PIP4K2B: variants seen among roughly 807,000 people sequenced by gnomAD.
PIP4K2B encodes the protein phosphatidylinositol-5-phosphate 4-kinase type 2 beta, also known as phosphatidylinositol 5-phosphate 4-kinase type-2 beta.
In PIP4K2B, 3 loss-of-function variants were observed where a neutral mutation model predicts 42.0. The observed-to-expected ratio is 0.07, with a 90% CI of 0.03 to 0.18. The LOEUF is 0.18. Ranked by LOEUF, PIP4K2B falls within the 10% of genes least tolerant of loss-of-function variation. PIP4K2B has a pLI of 1.00. For missense variants in PIP4K2B, 332 were observed against 562.3 expected, an observed-to-expected ratio of 0.59 and a Z score of 4.14; for synonymous variants, 204 against 210.1, an observed-to-expected ratio of 0.97 and a Z score of 0.25.
intron 7 of PIP4K2B, among the ~76,000 whole-genome samples, chr17:38,772,045 A>G (rs1909077630): frequency 6.6e-6 from 1 of 152,168 alleles, no homozygotes; most frequent in South Asian, 2.1e-4. Flanking sequence ...TTAAAAAAAG[A>G]GGCCATGGCC....
In PIP4K2B at chr17:38,770,539, C is replaced by T. The variant is rs765317692; in HGVS notation, c.1067G>A (p.Ser356Asn). 4.5e-6 allele frequency: 7 copies of T among 1,552,592 alleles called. No homozygotes were observed. The highest frequency in any genetic ancestry group is 6.2e-6 in the Non-Finnish European group (7 of 1,125,406). The change falls in exon 9 of 10, where the codon AGT becomes AAT. Residue 356 changes from serine (S) to asparagine (N), a missense_variant and splice_region_variant. Ser to Asn is a conservative substitution (Grantham distance 46, BLOSUM62 1). Transcript: ENST00000619039. ...GAAATACACCTCCTTCTTGGGGGAA[C>T]CTGGAGGGACAAGGAGAGCAGGGAA... Reference protein sequence around the residue: ...VDVYAMKSHESSPKKEVYFMA... With the variant: ...VDVYAMKSHENSPKKEVYFMA...
intron 4 of PIP4K2B, 61 bp from the exon 5 acceptor site, chr17:38,779,590 G>GTGAGC: frequency 6.7e-7 from 1 of 1,499,738 alleles, no homozygotes; most frequent in Non-Finnish European, 9.3e-7. Context: ...GATGGATGGG[G>GTGAGC]CTCACCCCAG....
chr17:38,786,197 G>C (rs922426213), intron 2 of PIP4K2B, among the ~76,000 whole-genome samples: 1 of 152,134 alleles, frequency 6.6e-6, no homozygotes, highest in Non-Finnish European at 1.5e-5. Flanking sequence ...AATAGTCCTG[G>C]GGTGGTCCAC....
intron 7 of PIP4K2B, chr17:38,776,771 G>A: frequency 1.8e-5 from 6 of 332,382 alleles, no homozygotes; most frequent in South Asian, 1.5e-4. Flanking sequence ...AAAAGAGAAG[G>A]AGACGCTGAG....
chr17:38,797,444 GAA>G (rs1035554203), intron 1 of PIP4K2B, among the ~76,000 whole-genome samples: 1 of 152,152 alleles, frequency 6.6e-6, no homozygotes, highest in Non-Finnish European at 1.5e-5. Flanking sequence ...GAGAGGAAAA[GAA>G]ACAGGAGGCA....
chr17:38,773,979 G>A (rs1909179794), intron 7 of PIP4K2B, among the ~76,000 whole-genome samples: 1 of 152,178 alleles, frequency 6.6e-6, no homozygotes, highest in Non-Finnish European at 1.5e-5. Flanking sequence ...CAAAGACTCA[G>A]GACAAATAAT....
At chr17:38,777,857 C>T in intron 6 of PIP4K2B, 57 bp from the exon 7 acceptor site, 1 of 1,236,780 alleles carries the variant, frequency 8.1e-7, no homozygotes, top group Non-Finnish European at 1.2e-6. Context: ...CCCAGGGACA[C>T]CCAACTGTTC....
chr17:38,795,519 G>A (rs1046755314), intron 1 of PIP4K2B, among the ~76,000 whole-genome samples: 13 of 152,220 alleles, frequency 8.5e-5, no homozygotes, highest in Non-Finnish European at 1.9e-4. Context: ...GGGAAGCCAA[G>A]GCAGGTGGAT....
chr17:38,783,354 A>G (rs1425494558), intron 3 of PIP4K2B, among the ~76,000 whole-genome samples: 1 of 152,164 alleles, frequency 6.6e-6, no homozygotes, highest in East Asian at 1.9e-4. Context: ...ACTGAGTCAG[A>G]TTCTAATGTC....
At chr17:38,788,774 A>AT (rs1910180144) in intron 1 of PIP4K2B, among the ~76,000 whole-genome samples, 1 of 152,094 alleles carries the variant, frequency 6.6e-6, no homozygotes, top group Non-Finnish European at 1.5e-5. Flanking sequence ...AATATGGTGA[A>AT]ACCCTATCTC....
chr17:38,781,893 G>C (rs901956352), intron 3 of PIP4K2B, among the ~76,000 whole-genome samples: 59 of 151,796 alleles, frequency 3.9e-4, no homozygotes, highest in Admixed American at 4.6e-4. Flanking sequence ...GCTCACTGCA[G>C]CCTTGAACTC....
At chr17:38,774,714 G>A (rs1457396682) in intron 7 of PIP4K2B, among the ~76,000 whole-genome samples, 1 of 151,714 alleles carries the variant, frequency 6.6e-6, no homozygotes, top group Non-Finnish European at 1.5e-5. Context: ...AGCTTGCAGT[G>A]AGCCAAGATC....
intron 3 of PIP4K2B, 21 bp from the exon 4 acceptor site, chr17:38,780,625 A>G: frequency 6.2e-7 from 1 of 1,601,432 alleles, no homozygotes; most frequent in Non-Finnish European, 8.6e-7. Flanking sequence ...AGACAAAAGA[A>G]GGCTGGGCTT....
At chr17:38,777,159 G>A (rs1283068248) in intron 7 of PIP4K2B, among the ~76,000 whole-genome samples, 1 of 152,172 alleles carries the variant, frequency 6.6e-6, no homozygotes, top group Non-Finnish European at 1.5e-5. Context: ...CATCTCCCGG[G>A]CTCAAACAAT....
chr17:38,797,397 G>C (rs1910709774), intron 1 of PIP4K2B, among the ~76,000 whole-genome samples: 1 of 152,102 alleles, frequency 6.6e-6, no homozygotes, highest in African/African-American at 2.4e-5. Context: ...TCTCTAACCG[G>C]ACTATACTTC....
chr17:38,784,012 C>T (rs1188820110), intron 3 of PIP4K2B, among the ~76,000 whole-genome samples: 1 of 152,210 alleles, frequency 6.6e-6, no homozygotes, highest in Non-Finnish European at 1.5e-5. Flanking sequence ...TGCTGCCCTC[C>T]CTCTGAGGGA....
intron 8 of PIP4K2B, among the ~76,000 whole-genome samples, 193 bp from the exon 9 acceptor site, chr17:38,770,732 G>T (rs1033071364): frequency 6.6e-6 from 1 of 152,062 alleles, no homozygotes; most frequent in Non-Finnish European, 1.5e-5. Context: ...GTCACTCTGT[G>T]GGGCTGACAG....
chr17:38,787,450 C>G (rs1910093147), intron 1 of PIP4K2B, among the ~76,000 whole-genome samples: 1 of 152,182 alleles, frequency 6.6e-6, no homozygotes, highest in East Asian at 1.9e-4. Flanking sequence ...TTCTCTAGAC[C>G]ATCAATACCC....
intron 1 of PIP4K2B, among the ~76,000 whole-genome samples, chr17:38,797,150 C>T (rs759180673): frequency 6.6e-6 from 1 of 152,136 alleles, no homozygotes; most frequent in Non-Finnish European, 1.5e-5. Context: ...AATGCCTTTC[C>T]AACTAGCCCC....
Sources: gnomAD v4.1 joint callset for allele counts (sites outside exome capture counted in the v4.1 genomes callset) on GRCh38, gnomAD v4.1.1 for gene constraint, MANE v1.5 for transcripts, NCBI Gene and HGNC (gene_info 2026-07-23, HGNC 2026-07-21) for gene names.